PCDHGA1: variants seen among roughly 807,000 people sequenced by gnomAD.
The protein encoded by PCDHGA1 is protocadherin gamma-A1.
PCDHGA1 carries 32 observed loss-of-function variants against 58.0 expected under a neutral mutation model. The observed-to-expected ratio is 0.55, with a 90% CI of 0.42 to 0.74. The LOEUF (loss-of-function observed/expected upper bound fraction) is 0.74. PCDHGA1 is among the 30% of genes least tolerant of loss of function. The pLI, the probability that PCDHGA1 is intolerant of heterozygous loss-of-function variation, is 0.00. For synonymous variants in PCDHGA1, 498 were observed against 501.1 expected, an observed-to-expected ratio of 0.99 and a Z score of 0.08; for missense variants, 1,205 against 1,182.3, an observed-to-expected ratio of 1.02 and a Z score of -0.28.
At chr5:141,423,395 C>G (rs1249200485) in intron 1 of PCDHGA1, 1 of 1,614,060 alleles carries the variant, frequency 6.2e-7, no homozygotes, top group Non-Finnish European at 8.5e-7. Context: ...TGGCATAAGT[C>G]ACGCCTGCTG....
rs1012790217 is a variant in PCDHGA1 at position 141,432,087 on chromosome 5, C to T, written c.2422-62720C>T. On this transcript the variant is annotated intron_variant, in intron 1 of 3. Coordinates refer to ENST00000517417, the MANE Select transcript of PCDHGA1 (RefSeq NM_018912.3). This position sits in a 1 kb window ranked among gnomAD's most constrained non-coding sequence, Gnocchi z 6.0. ...GAAACTCATATCTCGCTGAACGTGG[C>T]AGACACCAACGACAACCCGCCGGTC... is the stretch of plus-strand genomic sequence containing the variant. The T allele has an allele frequency of 2.5e-6, 4 of 1,614,060 alleles. No homozygotes were observed. The African/African-American group carries it at 4.0e-5, about 16-fold the overall frequency.
chr5:141,420,030 G>A (rs1269646706), intron 1 of PCDHGA1: 1 of 1,613,940 alleles, frequency 6.2e-7, no homozygotes, highest in Non-Finnish European at 8.5e-7. Flanking sequence ...CCTACTGCAG[G>A]AGACTGCTTT....
intron 1 of PCDHGA1, chr5:141,365,863 C>T (rs2149883393): frequency 8.1e-6 from 13 of 1,614,038 alleles, no homozygotes; most frequent in South Asian, 1.1e-5. Context: ...ACTCTGACAC[C>T]GGTGTCCTGT....
intron 1 of PCDHGA1, among the ~76,000 whole-genome samples, chr5:141,460,807 A>G (rs2098998307): frequency 6.6e-6 from 1 of 151,962 alleles, no homozygotes; most frequent in Non-Finnish European, 1.5e-5. Context: ...ATATATATGT[A>G]TGTATACATA....
chr5:141,402,422 T>C (rs1385083470), intron 1 of PCDHGA1, among the ~76,000 whole-genome samples: 2 of 151,998 alleles, frequency 1.3e-5, no homozygotes, highest in African/African-American at 2.4e-5. Context: ...CAGAAAAAAT[T>C]GAAGCATCAT....
intron 1 of PCDHGA1, among the ~76,000 whole-genome samples, chr5:141,467,032 T>G (rs551565159): frequency 2.0e-5 from 3 of 152,164 alleles, no homozygotes; most frequent in Non-Finnish European, 2.9e-5. Flanking sequence ...GTTTTTGTTT[T>G]TTGTGTAATG....
In PCDHGA1 at chr5:141,491,835, G is replaced by C; in HGVS notation, c.2422-2972G>C. On this transcript the variant is annotated intron_variant, in intron 1 of 3. Coordinates refer to ENST00000517417, the MANE Select transcript of PCDHGA1 (RefSeq NM_018912.3). The surrounding 1 kb of genome is among the most constrained non-coding windows in gnomAD (Gnocchi z 6.9). The stretch of plus-strand genomic sequence containing the variant: ...GCTGGCTGCGCTCCACCCGATTCTC[G>C]GGATCATTGGACCGTTTGCGCGAAA... 1 of 1,473,258 alleles carries C rather than the reference G, an allele frequency of 6.8e-7. No individual in the cohort carries two copies. The highest frequency in any genetic ancestry group is 9.0e-7 in the Non-Finnish European group (1 of 1,112,098). The allele number at this position is 1,473,258 out of a possible 1,614,324, so 91.3% of individuals were successfully genotyped here.
intron 1 of PCDHGA1, chr5:141,409,586 G>C: frequency 6.2e-7 from 1 of 1,613,908 alleles, no homozygotes; most frequent in Non-Finnish European, 8.5e-7. Flanking sequence ...GGTCCACGTG[G>C]CCGAGAACAA....
chr5:141,490,566 C>T lies in PCDHGA1; in HGVS notation c.2422-4241C>T. 3 of 1,614,132 alleles carry T rather than the reference C, an allele frequency of 1.9e-6. No homozygotes were observed. Among genetic ancestry groups the T allele is most frequent in the Non-Finnish European group, 2.5e-6 (3 of 1,180,028 alleles). On this transcript the variant is annotated intron_variant, in intron 1 of 3. Transcript: ENST00000517417. This position sits in a 1 kb window ranked among gnomAD's most constrained non-coding sequence, Gnocchi z 5.4. ...TACACAAACATCTCACCATCAGGCT[C>T]AACATTTCAGATGTCAATGACAATG...
At chr5:141,462,800 A>C (rs1039129881) in intron 1 of PCDHGA1, among the ~76,000 whole-genome samples, 2 of 152,128 alleles carry the variant, frequency 1.3e-5, no homozygotes, top group Non-Finnish European at 2.9e-5. Flanking sequence ...TTGCATGTCT[A>C]ATAATGTTTT....
intron 1 of PCDHGA1, chr5:141,362,279 TGC>T (rs776950363): frequency 7.4e-6 from 12 of 1,614,070 alleles, no homozygotes; most frequent in Non-Finnish European, 9.3e-6. Flanking sequence ...TCCCTGCGCC[TGC>T]GACTCTCTTC....
intron 1 of PCDHGA1, among the ~76,000 whole-genome samples, chr5:141,457,459 C>G (rs749463185): frequency 1.6e-4 from 24 of 152,166 alleles, no homozygotes; most frequent in Non-Finnish European, 3.4e-4. Context: ...CCACTTGATT[C>G]ACAGGAATAA....
rs779686795 is a variant in PCDHGA1, at chr5:141,476,566, G to A, written c.2422-18241G>A. On this transcript the variant is annotated intron_variant, in intron 1 of 3. Coordinates refer to ENST00000517417, the MANE Select transcript of PCDHGA1 (RefSeq NM_018912.3). The surrounding 1 kb of genome is among the most constrained non-coding windows in gnomAD (Gnocchi z 7.6). ...TGGAGATTAGCGAGGCCGTGGCTCC[G>A]GGGACGCGCTTTCCGCTCGAGAGCG... The A allele has an allele frequency of 1.2e-6, 2 of 1,614,062 alleles. No homozygotes were observed. Among genetic ancestry groups the A allele is most frequent in the East Asian group, 2.2e-5 (1 of 44,872 alleles).
At chr5:141,338,108 C>A (rs943013388) in intron 1 of PCDHGA1, among the ~76,000 whole-genome samples, 2 of 152,192 alleles carry the variant, frequency 1.3e-5, no homozygotes, top group Non-Finnish European at 2.9e-5. Context: ...GATACCCCTC[C>A]TAGGTATTCC....
intron 1 of PCDHGA1, chr5:141,404,757 C>T (rs759444247): frequency 3.1e-6 from 5 of 1,613,918 alleles, no homozygotes; most frequent in Non-Finnish European, 4.2e-6. Flanking sequence ...GGCCAGAATG[C>T]TTGGCTCTCC....
At position 141,409,894 on chromosome 5, in the gene PCDHGA1, C is replaced by A. The variant is rs1440813020; in HGVS notation, c.2421+76789C>A. The A allele has an allele frequency of 2.5e-6, 4 of 1,613,196 alleles. No homozygotes were observed. In the Admixed American group the frequency reaches 5.0e-5, roughly 20 times the overall value. ...ATGACAACGCACCGCGGGTGCTGTACCCAGCTCTGGGTCCTGACGGCTCCG... is the reference window on the plus strand; with the variant it reads ...ATGACAACGCACCGCGGGTGCTGTAACCAGCTCTGGGTCCTGACGGCTCCG... On this transcript the variant is annotated intron_variant, in intron 1 of 3. Transcript: ENST00000517417.
rs2096370584 is a variant in PCDHGA1 at position 141,419,372 on chromosome 5, G to A, written c.2422-75435G>A. On this transcript the variant is annotated intron_variant, in intron 1 of 3. Coordinates refer to ENST00000517417, the MANE Select transcript of PCDHGA1 (RefSeq NM_018912.3). The stretch of plus-strand genomic sequence containing the variant: ...GGAGTCACGAACGCTGTCGTCCTAC[G>A]TGTCCGTGAGCGCGCAGAGCGGGGT... 2 of 1,613,728 alleles carry A rather than the reference G, an allele frequency of 1.2e-6. No homozygotes were observed. Among genetic ancestry groups the A allele is most frequent in the South Asian group, 1.1e-5 (1 of 91,088 alleles).
intron 1 of PCDHGA1, chr5:141,433,097 G>C: frequency 6.2e-7 from 1 of 1,614,162 alleles, no homozygotes; most frequent in Non-Finnish European, 8.5e-7. Context: ...AGACATGCTC[G>C]TCAGCCAGGA....
intron 1 of PCDHGA1, chr5:141,388,335 C>G: frequency 1.2e-6 from 2 of 1,613,810 alleles, no homozygotes; most frequent in Non-Finnish European, 1.7e-6. Context: ...GCCTGGCACA[C>G]GATTTATATT....
Sources: gnomAD v4.1 joint callset for allele counts (sites outside exome capture counted in the v4.1 genomes callset) on GRCh38, gnomAD v4.1.1 for gene constraint, Gnocchi (gnomAD v3.1) non-coding constraint, MANE v1.5 for transcripts, NCBI Gene and HGNC (gene_info 2026-07-23, HGNC 2026-07-21) for gene names.